FRMPD4: variants seen among roughly 807,000 people sequenced by gnomAD.
FRMPD4 encodes FERM and PDZ domain-containing protein 4.
In FRMPD4, 22 loss-of-function variants were observed where a neutral mutation model predicts 94.1. The ratio of observed to expected loss-of-function variants is 0.23; its 90% CI spans 0.17 to 0.33. The LOEUF (loss-of-function observed/expected upper bound fraction) is 0.33, where lower values mean the gene tolerates loss of function less well. FRMPD4 is among the 10% of genes least tolerant of loss of function. The probability of loss-of-function intolerance (pLI) is 1.00; values close to 1 mark genes in which losing one functional copy is unlikely to be tolerated. For synonymous variants in FRMPD4, 631 were observed against 548.6 expected, an observed-to-expected ratio of 1.15 and a Z score of -2.10; for missense variants, 1,111 against 1,339.9, an observed-to-expected ratio of 0.83 and a Z score of 2.67.
chrX:12,296,886 A>G (rs2054780454), intron 1 of FRMPD4, among the ~76,000 whole-genome samples: 1 of 112,240 alleles, frequency 8.9e-6, no homozygotes, highest in Non-Finnish European at 1.9e-5. Context: ...GGGGCATCCC[A>G]CCAGGACCTG....
At chrX:12,697,130 G>A (rs2060141296) in intron 9 of FRMPD4, among the ~76,000 whole-genome samples, 1 of 112,508 alleles carries the variant, frequency 8.9e-6, no homozygotes, top group African/African-American at 3.2e-5. Flanking sequence ...GTAAAGAAAT[G>A]TGTAGTGTGC....
chrX:12,361,635 G>A (rs768871272), intron 1 of FRMPD4, among the ~76,000 whole-genome samples: 17 of 112,254 alleles, frequency 1.5e-4, no homozygotes, highest in African/African-American at 4.8e-4. Context: ...AAAATGACAC[G>A]TTTTTGCATT....
At chrX:12,601,337 G>A (rs909218809) in intron 2 of FRMPD4, among the ~76,000 whole-genome samples, 3 of 111,902 alleles carry the variant, frequency 2.7e-5, no homozygotes, top group Admixed American at 9.5e-5. Flanking sequence ...GAAAACACAC[G>A]ATGTGCAGTT....
intron 1 of FRMPD4, among the ~76,000 whole-genome samples, chrX:12,272,396 G>A (rs892892206): frequency 7.2e-5 from 8 of 111,538 alleles, no homozygotes; most frequent in African/African-American, 2.3e-4. Flanking sequence ...CTGCAGAACT[G>A]GCAGTCAAGT....
At chrX:11,902,288 AT>A (rs1007926686) in intron 3 of FRMPD4, among the ~76,000 whole-genome samples, 4 of 111,063 alleles carry the variant, frequency 3.6e-5, no homozygotes, top group Admixed American at 1.9e-4. Context: ...AACAGCAGAC[AT>A]TTTTTTTTCT....
At chrX:12,278,799 G>T (rs2054480644) in intron 1 of FRMPD4, among the ~76,000 whole-genome samples, 2 of 111,743 alleles carry the variant, frequency 1.8e-5, no homozygotes, top group African/African-American at 6.5e-5. Flanking sequence ...GAGTTGGAGA[G>T]TACATACCCC....
intron 1 of FRMPD4, among the ~76,000 whole-genome samples, chrX:12,214,251 A>C (rs1223348156): frequency 4.5e-5 from 5 of 111,364 alleles, no homozygotes; most frequent in African/African-American, 1.6e-4. Flanking sequence ...TACCAACTAA[A>C]CTTGCTTACA....
chrX:11,890,228 C>G (rs758394762), intron 3 of FRMPD4, among the ~76,000 whole-genome samples: 1 of 112,506 alleles, frequency 8.9e-6, no homozygotes, highest in African/African-American at 3.2e-5. Context: ...GTTTAAGGTA[C>G]CACAGCTGGT....
chrX:12,256,703 G>A (rs754941555), intron 1 of FRMPD4, among the ~76,000 whole-genome samples: 1 of 112,020 alleles, frequency 8.9e-6, no homozygotes, highest in South Asian at 3.7e-4. Context: ...CAGTAAATGG[G>A]TGAGGTTATT....
rs7049642 is a variant in FRMPD4, at chrX:12,690,254, C to G, written c.741C>G (p.Leu247=). ...LSIKGIEHFS[L]MLEQRTEGAG... Reference sequence around the variant, plus strand: ...TCAAAGGCATTGAACACTTCTCTCTCATGCTGGAGCAGAGGACAGAAGGGG... The same window carrying G: ...TCAAAGGCATTGAACACTTCTCTCTGATGCTGGAGCAGAGGACAGAAGGGG... The change falls in exon 8 of 17, where the codon CTC becomes CTG. Residue 247 remains leucine, a synonymous_variant. Coordinates refer to ENST00000675598, the MANE Select transcript of FRMPD4 (RefSeq NM_001368397.1). The G allele has an allele frequency of 2.1e-3, 2,559 of 1,199,682 alleles. 26 individuals are homozygous for G. The African/African-American group carries it at 0.04, about 19-fold the overall frequency.
chrX:12,178,763 A>G (rs1038295330), intron 1 of FRMPD4, among the ~76,000 whole-genome samples: 5 of 110,992 alleles, frequency 4.5e-5, no homozygotes, highest in African/African-American at 1.6e-4. Flanking sequence ...TGCAAGGGCA[A>G]CTCCTGCAGG....
intron 1 of FRMPD4, among the ~76,000 whole-genome samples, chrX:12,274,114 G>T (rs770236046): frequency 1.1e-4 from 12 of 106,594 alleles, no homozygotes; most frequent in African/African-American, 2.0e-4. Context: ...GGTTCGGGGG[G>T]CCCCTAAATG....
chrX:12,115,664 T>C (rs1489655934), intron 3 of FRMPD4, among the ~76,000 whole-genome samples: 2 of 109,312 alleles, frequency 1.8e-5, no homozygotes, highest in African/African-American at 6.7e-5. Flanking sequence ...TACTTCAGAC[T>C]GTGGCTTCGT....
intron 1 of FRMPD4, among the ~76,000 whole-genome samples, chrX:12,401,332 C>A (rs1007987181): frequency 3.6e-5 from 4 of 110,157 alleles, no homozygotes; most frequent in African/African-American, 1.3e-4. Flanking sequence ...TCCTCCTTTT[C>A]CCCCCTCCTT....
At chrX:11,959,539 A>G (rs184664716) in intron 3 of FRMPD4, among the ~76,000 whole-genome samples, 2 of 112,270 alleles carry the variant, frequency 1.8e-5, no homozygotes, top group African/African-American at 6.5e-5. Context: ...CATGTCCTCA[A>G]TAGATTGGCC....
At chrX:12,170,106 G>C (rs1164977756) in intron 1 of FRMPD4, among the ~76,000 whole-genome samples, 2 of 110,559 alleles carry the variant, frequency 1.8e-5, no homozygotes, top group East Asian at 5.7e-4. Context: ...TTGCCTCCAA[G>C]ATTTTCTTCC....
At chrX:12,531,083 G>GT (rs199845379) in intron 2 of FRMPD4, among the ~76,000 whole-genome samples, 5,906 of 111,991 alleles carry the variant, frequency 0.053, 184 homozygotes, top group African/African-American at 0.11. Flanking sequence ...AATTAATCTA[G>GT]TTTTTTATGG....
At chrX:12,246,178 G>A (rs1161553389) in intron 1 of FRMPD4, among the ~76,000 whole-genome samples, 2 of 111,661 alleles carry the variant, frequency 1.8e-5, no homozygotes, top group Non-Finnish European at 3.8e-5. Flanking sequence ...CAAACCCCAC[G>A]GGGTTTCTGA....
chrX:12,398,207 T>A (rs1156639030), intron 1 of FRMPD4, among the ~76,000 whole-genome samples: 1 of 112,413 alleles, frequency 8.9e-6, no homozygotes, highest in Non-Finnish European at 1.9e-5. Context: ...CATGGTTTAG[T>A]AACAAAGAAG....
Sources: gnomAD v4.1 joint callset for allele counts (sites outside exome capture counted in the v4.1 genomes callset) on GRCh38, gnomAD v4.1.1 for gene constraint, MANE v1.5 for transcripts, NCBI Gene and HGNC (gene_info 2026-07-23, HGNC 2026-07-21) for gene names.